Variants in PSD3 observed in about 807,000 individuals in gnomAD.
The protein encoded by PSD3 is pleckstrin and Sec7 domain containing 3.
Under a neutral mutation model 105.5 loss-of-function variants are expected in PSD3, and 49 were observed. The ratio of observed to expected loss-of-function variants is 0.46; its 90% CI spans 0.37 to 0.59. The LOEUF (loss-of-function observed/expected upper bound fraction) is 0.59, where lower values mean the gene tolerates loss of function less well. Ranked by LOEUF, PSD3 falls within the 20% of genes least tolerant of loss-of-function variation. PSD3 has a pLI of 0.00. For missense variants in PSD3, 1,561 were observed against 1,263.8 expected (o/e 1.24, Z -3.57); for synonymous variants, 557 against 457.8 (o/e 1.22, Z -2.77).
chr8:18,860,967 C>T (rs999263659), intron 4 of PSD3, among the ~76,000 whole-genome samples: 39 of 152,138 alleles, frequency 2.6e-4, no homozygotes, highest in African/African-American at 9.2e-4. Context: ...CTCTTCACAC[C>T]AGTAGCCACC....
intron 4 of PSD3, among the ~76,000 whole-genome samples, chr8:18,808,235 T>C (rs1020416463): frequency 6.6e-6 from 1 of 152,216 alleles, no homozygotes; most frequent in Non-Finnish European, 1.5e-5. Flanking sequence ...TTTCCTATCA[T>C]GTAGTAAAAA....
At chr8:18,620,561 T>C (rs1172147550) in intron 11 of PSD3, among the ~76,000 whole-genome samples, 1 of 151,946 alleles carries the variant, frequency 6.6e-6, no homozygotes, top group Non-Finnish European at 1.5e-5. Context: ...AATAAAAAAT[T>C]AGTGGGGTGT....
At chr8:18,976,986 C>T (rs1046422518) in intron 1 of PSD3, among the ~76,000 whole-genome samples, 1 of 152,136 alleles carries the variant, frequency 6.6e-6, no homozygotes, top group Non-Finnish European at 1.5e-5. Context: ...TATTGTTTGA[C>T]TTTGTTTTTA....
At chr8:18,547,189 C>A (rs1198195225) in intron 15 of PSD3, among the ~76,000 whole-genome samples, 1 of 152,120 alleles carries the variant, frequency 6.6e-6, no homozygotes, top group Non-Finnish European at 1.5e-5. Context: ...ACAGAGGCTA[C>A]CAACCCTCAG....
intron 1 of PSD3, among the ~76,000 whole-genome samples, chr8:18,980,430 A>T (rs11987117): frequency 6.6e-6 from 1 of 151,964 alleles, no homozygotes; most frequent in Non-Finnish European, 1.5e-5. Flanking sequence ...TGAAAGTAGC[A>T]CCTAGTTGGG....
At chr8:19,055,050 A>T (rs1828662358) in intron 1 of PSD3, among the ~76,000 whole-genome samples, 1 of 152,172 alleles carries the variant, frequency 6.6e-6, no homozygotes, top group Non-Finnish European at 1.5e-5. Flanking sequence ...GGGCCAAGGC[A>T]GTGAAAAGCT....
At chr8:18,631,133 G>C (rs1405249485) in intron 11 of PSD3, among the ~76,000 whole-genome samples, 1 of 152,020 alleles carries the variant, frequency 6.6e-6, no homozygotes, top group African/African-American at 2.4e-5. Context: ...AGAAGCTGCA[G>C]TTGGGCAGGC....
intron 9 of PSD3, chr8:18,684,106 C>A (rs1272847425): frequency 9.2e-6 from 5 of 545,664 alleles, no homozygotes; most frequent in East Asian, 6.0e-5. Context: ...CTTCAACTAC[C>A]CTGTTTGCAG....
At chr8:18,737,020 G>A (rs1804197268) in intron 9 of PSD3, among the ~76,000 whole-genome samples, 1 of 152,206 alleles carries the variant, frequency 6.6e-6, no homozygotes, top group African/African-American at 2.4e-5. Context: ...ATATTAAAAT[G>A]TGAAAAGGAC....
chr8:18,804,424 A>C (rs1586062862), intron 6 of PSD3, 98 bp downstream of exon 6: 3 of 141,342 alleles, frequency 2.1e-5, no homozygotes, highest in Non-Finnish European at 2.2e-5. Context: ...TGGAGGTTTA[A>C]AAAAAAAAAA....
intron 9 of PSD3, among the ~76,000 whole-genome samples, chr8:18,728,076 G>A (rs561802323): frequency 1.0e-3 from 151 of 151,670 alleles, no homozygotes; most frequent in African/African-American, 3.6e-3. Context: ...AAAAAAAAGC[G>A]GAGAAAGGGA....
chr8:18,863,030 G>C (rs1040001484), intron 4 of PSD3, among the ~76,000 whole-genome samples: 12 of 152,240 alleles, frequency 7.9e-5, no homozygotes, highest in African/African-American at 2.6e-4. Flanking sequence ...TCCCGAGCAA[G>C]ATCTGAAAGG....
At chr8:18,713,614 T>C (rs1010017287) in intron 9 of PSD3, among the ~76,000 whole-genome samples, 1 of 152,138 alleles carries the variant, frequency 6.6e-6, no homozygotes, top group East Asian at 1.9e-4. Context: ...GACAAACCTC[T>C]GCCCAAGGAA....
rs1157051190 is a variant in PSD3, at chr8:18,535,974, G to C, written c.2929-16C>G. The C allele has an allele frequency of 1.2e-6, 2 of 1,606,360 alleles. No individual in the cohort carries two copies. The highest frequency in any genetic ancestry group is 2.2e-5 in the East Asian group (1 of 44,830). On this transcript the variant is annotated splice_polypyrimidine_tract_variant and intron_variant, in intron 15 of 15. Coordinates refer to ENST00000327040, the MANE Select transcript of PSD3 (RefSeq NM_015310.4). Reference sequence around the variant, plus strand: ...AGCGGGTTTTCTGAAGGCAAAGCCAGAGAACAACGGTAGTCAGAAAACTGT... The same window carrying C: ...AGCGGGTTTTCTGAAGGCAAAGCCACAGAACAACGGTAGTCAGAAAACTGT...
intron 2 of PSD3, among the ~76,000 whole-genome samples, chr8:18,896,723 GT>G (rs1819173914): frequency 6.6e-6 from 1 of 150,924 alleles, no homozygotes; most frequent in Non-Finnish European, 1.5e-5. Context: ...TCCTTAATGG[GT>G]TTACTAATTT....
chr8:19,026,470 A>G (rs1827553504), intron 1 of PSD3, among the ~76,000 whole-genome samples: 1 of 152,144 alleles, frequency 6.6e-6, no homozygotes, highest in Non-Finnish European at 1.5e-5. Flanking sequence ...AAGAGAAGTT[A>G]GAGCTCTCCA....
At chr8:18,827,631 A>T (rs1371508380) in intron 4 of PSD3, among the ~76,000 whole-genome samples, 1 of 152,188 alleles carries the variant, frequency 6.6e-6, no homozygotes. Context: ...GTGTTTTTTA[A>T]GAGGGTGAGA....
At chr8:18,966,646 T>G (rs1488641187) in intron 1 of PSD3, among the ~76,000 whole-genome samples, 1 of 151,754 alleles carries the variant, frequency 6.6e-6, no homozygotes, top group Non-Finnish European at 1.5e-5. Context: ...GGCTTCCAGT[T>G]ATGCCCTACA....
chr8:18,890,146 C>T (rs1451002886), intron 2 of PSD3, among the ~76,000 whole-genome samples: 3 of 151,990 alleles, frequency 2.0e-5, no homozygotes, highest in South Asian at 4.2e-4. Context: ...ACGGGATCCA[C>T]GTAGGAGACA....
Sources: gnomAD v4.1 joint callset for allele counts (sites outside exome capture counted in the v4.1 genomes callset) on GRCh38, gnomAD v4.1.1 for gene constraint, MANE v1.5 for transcripts, NCBI Gene and HGNC (gene_info 2026-07-23, HGNC 2026-07-21) for gene names.